The following IL13 variants were observed in gnomAD, a reference collection of about 807,000 sequenced individuals.
IL13 encodes interleukin 13, also known as interleukin-13.
In IL13, 9 loss-of-function variants were observed where a neutral mutation model predicts 11.1. The ratio of observed to expected loss-of-function variants is 0.81; its 90% CI spans 0.49 to 1.42. The LOEUF (loss-of-function observed/expected upper bound fraction) is 1.42, where lower values mean the gene tolerates loss of function less well. Among genes scored for constraint, IL13 ranks in the 40% most tolerant of loss-of-function variants. The probability of loss-of-function intolerance (pLI) is 0.00; values close to 1 mark genes in which losing one functional copy is unlikely to be tolerated. For synonymous variants in IL13, 75 were observed against 76.9 expected (o/e 0.97, Z 0.13); for missense variants, 181 against 182.5 (o/e 0.99, Z 0.05).
At chr5:132,657,868 T>A (rs1217495284), upstream of IL13, among the ~76,000 whole-genome samples, 1 of 152,164 alleles carries the variant, frequency 6.6e-6, no homozygotes, top group Non-Finnish European at 1.5e-5. Context: ...GTCCAGGTAC[T>A]CAGGGTTGTC....
upstream of IL13, among the ~76,000 whole-genome samples, chr5:132,656,794 A>G (rs946826670): frequency 2.6e-5 from 4 of 152,026 alleles, no homozygotes; most frequent in Non-Finnish European, 5.9e-5. Context: ...TGGGAGTCAG[A>G]GCCAGCAGCT....
upstream of IL13, chr5:132,656,934 C>T (rs1400779023): frequency 2.0e-5 from 3 of 152,498 alleles, no homozygotes; most frequent in Admixed American, 2.0e-4. Flanking sequence ...CACAAGCACA[C>T]CCTTGTGAGG....
chr5:132,658,293 C>T lies in IL13; in HGVS notation c.107C>T (p.Pro36Leu). Residue 36 changes from proline (P) to leucine (L), a missense_variant, in exon 1 of 4, where the codon CCT becomes CTT. Pro to Leu is a moderately conservative substitution (Grantham distance 98, BLOSUM62 -3). Coordinates refer to ENST00000304506, the MANE Select transcript of IL13 (RefSeq NM_002188.3). ...TCLGGFASPG[P>L]VPPSTALREL... ...CTTGGCGGCTTTGCCTCCCCAGGCC[C>T]TGTGCCTCCCTCTACAGCCCTCAGG... is the stretch of plus-strand genomic sequence containing the variant. 1 of 1,610,158 alleles carries T rather than the reference C, an allele frequency of 6.2e-7. No individual in the cohort carries two copies. The highest frequency in any genetic ancestry group is 1.1e-5 in the South Asian group (1 of 90,984).
chr5:132,660,439 C>G lies in IL13; in HGVS notation c.*157C>G. ...TTAGACCTCAGCCTGTGCTGCCCGTCTTCAGCCTAGCCGACCTCAGCCTTC... is the reference window on the plus strand; with the variant it reads ...TTAGACCTCAGCCTGTGCTGCCCGTGTTCAGCCTAGCCGACCTCAGCCTTC... On this transcript the variant is annotated 3_prime_UTR_variant, in exon 4 of 4. Coordinates refer to ENST00000304506, the MANE Select transcript of IL13 (RefSeq NM_002188.3). 1 of 1,288,624 alleles carries G rather than the reference C, an allele frequency of 7.8e-7. No homozygotes were observed. Among genetic ancestry groups the G allele is most frequent in the Non-Finnish European group, 1.0e-6 (1 of 970,528 alleles). The allele number at this position is 1,288,624 out of a possible 1,614,324, so 79.8% of individuals were successfully genotyped here.
Position 132,660,496 on chromosome 5 carries a change from C to T in IL13, c.*214C>T. ...CCCAGGGCTCAGCCTGGTGGGCCTCCTCTGTCCAGGGCCCTGAGCTCGGTG... is the reference window on the plus strand; with the variant it reads ...CCCAGGGCTCAGCCTGGTGGGCCTCTTCTGTCCAGGGCCCTGAGCTCGGTG... On this transcript the variant is annotated 3_prime_UTR_variant, in exon 4 of 4. Coordinates refer to ENST00000304506, the MANE Select transcript of IL13 (RefSeq NM_002188.3). 4.1e-6 allele frequency: 3 copies of T among 725,354 alleles called. No individual in the cohort carries two copies. The highest frequency in any genetic ancestry group is 6.3e-6 in the Non-Finnish European group (3 of 477,138). The allele number at this position is 725,354 out of a possible 1,614,324, so 44.9% of individuals were successfully genotyped here.
Position 132,659,333 on chromosome 5 carries a change from G to A in IL13, c.175-85G>A, listed in dbSNP as rs1421453739. The A allele has an allele frequency of 5.3e-6, 5 of 951,086 alleles. No homozygotes were observed. Among genetic ancestry groups the A allele is most frequent in the Non-Finnish European group, 8.4e-6 (5 of 597,840 alleles). 58.9% of individuals were successfully genotyped at this position (951,086 alleles called of 1,614,324 possible). A position where few individuals can be genotyped will look rare whatever the true frequency, so the allele number is the denominator to read the frequency against. ...CACACCAGGGATGCTTGTGGGGCCT[G>A]TGCTGGGGCAGACCTGGCCTGGGCT... On this transcript the variant is annotated intron_variant, in intron 1 of 3. Coordinates refer to ENST00000304506, the MANE Select transcript of IL13 (RefSeq NM_002188.3). The surrounding 1 kb of genome is among the most constrained non-coding windows in gnomAD (Gnocchi z 4.1).
Position 132,660,308 on chromosome 5 carries a change from G to A in IL13, c.*26G>A. 6.2e-7 allele frequency: 1 copy of A among 1,611,792 alleles called. No individual in the cohort carries two copies. Among genetic ancestry groups the A allele is most frequent in the Non-Finnish European group, 8.5e-7 (1 of 1,179,508 alleles). ...AACTTCGAAAGCATCATTATTTGCA[G>A]AGACAGGACCTGACTATTGAAGTTG... is the stretch of plus-strand genomic sequence containing the variant. On this transcript the variant is annotated 3_prime_UTR_variant, in exon 4 of 4. Transcript: ENST00000304506.
rs199513811 is a variant in IL13, at chr5:132,659,755, T to C, written c.260T>C (p.Val87Ala). ...GCAGCCCTGGAATCCCTGATCAACG[T>C]GTCAGGCTGCAGTGCCATCGAGAAG... The part of the protein sequence containing the change: ...YCAALESLIN[V>A]SGCSAIEKTQ... Residue 87 changes from valine (V) to alanine (A), a missense_variant, in exon 3 of 4, where the codon GTG becomes GCG. Coordinates refer to ENST00000304506, the MANE Select transcript of IL13 (RefSeq NM_002188.3). The surrounding 1 kb of genome is among the most constrained non-coding windows in gnomAD (Gnocchi z 4.1). 4.3e-6 allele frequency: 7 copies of C among 1,613,910 alleles called. No homozygotes were observed. In the Admixed American group the frequency reaches 1.2e-4, roughly 27 times the overall value.
At chr5:132,660,125 C>A in intron 3 of IL13, 50 bp from the exon 4 acceptor site, 4 of 1,570,832 alleles carry the variant, frequency 2.5e-6, no homozygotes, top group South Asian at 2.2e-5. Context: ...TTGTGCGAGT[C>A]GTCCCGGCCT....
In IL13 at chr5:132,660,549, C is replaced by T. The variant is rs1043320298; in HGVS notation, c.*267C>T. 1 of 425,034 alleles carries T rather than the reference C, an allele frequency of 2.4e-6. No homozygotes were observed. The highest frequency in any genetic ancestry group is 4.3e-6 in the Non-Finnish European group (1 of 232,458). The allele number at this position is 425,034 out of a possible 1,614,324, so 26.3% of individuals were successfully genotyped here. Reference sequence around the variant, plus strand: ...CCCAGGGATGACATGTCCCTACACCCCTCCCCTGCCCTAGAGCACACTGTA... The same window carrying T: ...CCCAGGGATGACATGTCCCTACACCTCTCCCCTGCCCTAGAGCACACTGTA... On this transcript the variant is annotated 3_prime_UTR_variant, in exon 4 of 4. Coordinates refer to ENST00000304506, the MANE Select transcript of IL13 (RefSeq NM_002188.3).
At chr5:132,657,666 C>T (rs571701686), upstream of IL13, among the ~76,000 whole-genome samples, 1 of 152,266 alleles carries the variant, frequency 6.6e-6, no homozygotes, top group Non-Finnish European at 1.5e-5. Context: ...TCTTCTATTG[C>T]CTGTTTGAAT....
In IL13 at chr5:132,658,180, C is replaced by T; in HGVS notation, c.-7C>T. The T allele has an allele frequency of 2.5e-6, 4 of 1,584,658 alleles. No individual in the cohort carries two copies. Among genetic ancestry groups the T allele is most frequent in the Non-Finnish European group, 3.4e-6 (4 of 1,162,010 alleles). On this transcript the variant is annotated 5_prime_UTR_variant, in exon 1 of 4. Transcript: ENST00000304506. ...ACAAGACGCCAAGGCCACAAGCCAC[C>T]CAGCCTATGCATCCGCTCCTCAATC...
At chr5:132,658,107 C>A, upstream of IL13, 1 of 726,716 alleles carries the variant, frequency 1.4e-6, no homozygotes. Flanking sequence ...CCTGAAAAAG[C>A]AGAGACCATG....
At chr5:132,657,386 C>A (rs1433166615), upstream of IL13, 1 of 152,262 alleles carries the variant, frequency 6.6e-6, no homozygotes, top group African/African-American at 2.4e-5. Context: ...GGGCCAGACA[C>A]GTGCACACTA....
intron 1 of IL13, 130 bp downstream of exon 1, chr5:132,658,490 G>A: frequency 1.7e-6 from 1 of 588,158 alleles, no homozygotes; most frequent in Non-Finnish European, 3.0e-6. Flanking sequence ...ATGGACCAAG[G>A]CCCGGCCCAG....
chr5:132,659,396 C>T lies in IL13; in HGVS notation c.175-22C>T, dbSNP rs1404963362. 2 of 1,588,378 alleles carry T rather than the reference C, an allele frequency of 1.3e-6. No homozygotes were observed. The highest frequency in any genetic ancestry group is 1.1e-5 in the South Asian group (1 of 88,038). ...CCACAACCCCTGCCAGCACTCTGCT[C>T]ACTGTCACTTTGCTCCCACAGGCTC... On this transcript the variant is annotated intron_variant, in intron 1 of 3. Transcript: ENST00000304506. The surrounding 1 kb of genome is among the most constrained non-coding windows in gnomAD (Gnocchi z 4.1).
upstream of IL13, chr5:132,658,031 T>C: frequency 1.8e-6 from 1 of 551,222 alleles, no homozygotes; most frequent in Non-Finnish European, 3.2e-6. Context: ...ACTCTTTCCT[T>C]TATGCGACAC....
chr5:132,659,564 G>A lies in IL13; in HGVS notation c.228+93G>A. The A allele has an allele frequency of 6.4e-7, 1 of 1,563,086 alleles. No individual in the cohort carries two copies. Among genetic ancestry groups the A allele is most frequent in the Non-Finnish European group, 8.7e-7 (1 of 1,146,590 alleles). ...CTCCCTTCCATGGCTGGGGTTCCAAGCAAGCTTCAAGTGCTCTCCTCCCTC... is the reference window on the plus strand; with the variant it reads ...CTCCCTTCCATGGCTGGGGTTCCAAACAAGCTTCAAGTGCTCTCCTCCCTC... On this transcript the variant is annotated intron_variant, in intron 2 of 3. Transcript: ENST00000304506. This position sits in a 1 kb window ranked among gnomAD's most constrained non-coding sequence, Gnocchi z 4.1.
Position 132,659,382 on chromosome 5 carries a change from G to T in IL13, c.175-36G>T. ...CTGCCAGGGCAGGCCCACAACCCCT[G>T]CCAGCACTCTGCTCACTGTCACTTT... On this transcript the variant is annotated intron_variant, in intron 1 of 3. Coordinates refer to ENST00000304506, the MANE Select transcript of IL13 (RefSeq NM_002188.3). This position sits in a 1 kb window ranked among gnomAD's most constrained non-coding sequence, Gnocchi z 4.1. 1.9e-6 allele frequency: 3 copies of T among 1,547,786 alleles called. No homozygotes were observed. The highest frequency in any genetic ancestry group is 2.7e-6 in the Non-Finnish European group (3 of 1,131,470).
Sources: gnomAD v4.1 joint callset for allele counts (sites outside exome capture counted in the v4.1 genomes callset) on GRCh38, gnomAD v4.1.1 for gene constraint, Gnocchi (gnomAD v3.1) non-coding constraint, MANE v1.5 for transcripts, NCBI Gene and HGNC (gene_info 2026-07-23, HGNC 2026-07-21) for gene names.